The following SH3TC1 variants were observed in gnomAD, a reference collection of about 807,000 sequenced individuals.
The protein encoded by SH3TC1 is SH3 domain and tetratricopeptide repeat-containing protein 1.
SH3TC1 carries 135 observed loss-of-function variants against 117.3 expected under a neutral mutation model. The observed-to-expected ratio is 1.15, with a 90% CI of 1.00 to 1.33. The LOEUF is 1.33. Among genes scored for constraint, SH3TC1 ranks in the 40% most tolerant of loss-of-function variants. The pLI, the probability that SH3TC1 is intolerant of heterozygous loss-of-function variation, is 0.00. For missense variants in SH3TC1, 2,092 were observed against 1,794.3 expected, an observed-to-expected ratio of 1.17 and a Z score of -3.00; for synonymous variants, 898 against 816.9, an observed-to-expected ratio of 1.10 and a Z score of -1.69.
At chr4:8,223,071 T>C (rs1210038034) in intron 10 of SH3TC1, 101 bp downstream of exon 10, 1 of 1,459,370 alleles carries the variant, frequency 6.9e-7, no homozygotes, top group African/African-American at 1.4e-5. Flanking sequence ...AGCCCCTGGA[T>C]GCTGAAAGGT....
intron 8 of SH3TC1, 113 bp downstream of exon 8, chr4:8,218,460 G>A (rs1009298287): frequency 1.4e-5 from 10 of 705,178 alleles, no homozygotes; most frequent in Non-Finnish European, 2.3e-5. Flanking sequence ...TAGCTATCAG[G>A]TAGTGCAAGA....
At chr4:8,214,428 C>T (rs754446040) in intron 4 of SH3TC1, 47 bp from the exon 5 acceptor site, 12 of 1,557,840 alleles carry the variant, frequency 7.7e-6, no homozygotes, top group Admixed American at 3.4e-5. Context: ...TGACAGATGC[C>T]CCAGAGCTCC....
chr4:8,238,368 G>C (rs2152999042), intron 17 of SH3TC1, among the ~76,000 whole-genome samples: 1 of 152,296 alleles, frequency 6.6e-6, no homozygotes, highest in African/African-American at 2.4e-5. Context: ...AGCCCTGCAG[G>C]GGTGGAGAAC....
rs904044658 is a variant in SH3TC1, at chr4:8,225,928, G to A, written c.1285+712G>A. 2.0e-5 allele frequency among the ~76,000 whole-genome samples: 3 copies of A among 152,144 alleles called. No homozygotes were observed. The highest frequency in any genetic ancestry group is 2.9e-5 in the Non-Finnish European group (2 of 68,022). On this transcript the variant is annotated intron_variant, in intron 11 of 17. Transcript: ENST00000245105. This position sits in a 1 kb window ranked among gnomAD's most constrained non-coding sequence, Gnocchi z 5.5. ...CTGCCGAAGTCCCTGGAGCAAATGC[G>A]AGTGACTCCAGCTGCCCCCAAGGCC...
chr4:8,228,134 G>A lies in SH3TC1; in HGVS notation c.2440G>A (p.Glu814Lys), dbSNP rs1561710941. ...PAITFMTQAV[E>K]ASAIAGVRAI... ...CATCACCTTCATGACGCAGGCAGTG[G>A]AAGCCAGTGCTATTGCCGGAGTCCG... is the stretch of plus-strand genomic sequence containing the variant. Residue 814 changes from glutamate (E) to lysine (K), a missense_variant, in exon 12 of 18, where the codon GAA becomes AAA. By Grantham distance (56) the Glu-to-Lys change is moderately conservative (BLOSUM62 1). Transcript: ENST00000245105. 1.2e-6 allele frequency: 2 copies of A among 1,612,364 alleles called. No homozygotes were observed. Among genetic ancestry groups the A allele is most frequent in the Non-Finnish European group, 1.7e-6 (2 of 1,179,562 alleles).
chr4:8,197,293 T>C (rs1273458775), upstream of SH3TC1, among the ~76,000 whole-genome samples: 1 of 152,046 alleles, frequency 6.6e-6, no homozygotes, highest in Non-Finnish European at 1.5e-5. Context: ...GACAGCTTGA[T>C]TTTGGACTTT....
chr4:8,203,724 C>T (rs79374063), intron 1 of SH3TC1, among the ~76,000 whole-genome samples: 113 of 152,238 alleles, frequency 7.4e-4, no homozygotes, highest in Admixed American at 2.3e-3. Flanking sequence ...CGCATGGACT[C>T]GTCCCCCTGC....
intron 12 of SH3TC1, 141 bp downstream of exon 12, chr4:8,228,785 G>A (rs928038015): frequency 9.5e-5 from 70 of 738,580 alleles, no homozygotes; most frequent in Middle Eastern, 8.0e-4. Context: ...GTTGGCAAGC[G>A]CCCTGGAGAC....
chr4:8,220,457 C>T (rs1418012247), intron 9 of SH3TC1, among the ~76,000 whole-genome samples: 1 of 152,166 alleles, frequency 6.6e-6, no homozygotes, highest in Non-Finnish European at 1.5e-5. Flanking sequence ...CCTGCCTGCT[C>T]CCAGCCAGGG....
chr4:8,217,124 G>A lies in SH3TC1; in HGVS notation c.796G>A (p.Val266Met). ...PPSPSVSSEE[V>M]AVAAAPEPLI... is the part of the protein sequence containing the mutation. ...GAGCCCCAGCGTGTCCTCCGAGGAGGTGGCAGTGGCGGCCGCCCCGGAGCC... is the reference window on the plus strand; with the variant it reads ...GAGCCCCAGCGTGTCCTCCGAGGAGATGGCAGTGGCGGCCGCCCCGGAGCC... The change falls in exon 7 of 18, where the codon GTG becomes ATG. Residue 266 changes from valine to methionine, a missense_variant. Physicochemically the swap from Val to Met is conservative, Grantham distance 21. Coordinates refer to ENST00000245105, the MANE Select transcript of SH3TC1 (RefSeq NM_018986.5). 6.2e-7 allele frequency: 1 copy of A among 1,613,660 alleles called. No homozygotes were observed.
At chr4:8,200,394 C>T (rs765801768) in intron 1 of SH3TC1, among the ~76,000 whole-genome samples, 8 of 152,166 alleles carry the variant, frequency 5.3e-5, no homozygotes, top group Non-Finnish European at 1.0e-4. Flanking sequence ...GCAGAGTCAC[C>T]GCAGCTGATG....
At position 8,183,414 on chromosome 4, in the gene SH3TC1, C is replaced by A. The variant is rs1717135568; in HGVS notation, c.-57+1204C>A. Among the ~76,000 whole-genome samples the A allele has an allele frequency of 6.6e-6, 1 of 152,178 alleles. No homozygotes were observed. The highest frequency in any genetic ancestry group is 1.5e-5 in the Non-Finnish European group (1 of 68,022). On this transcript the variant is annotated intron_variant, in intron 1 of 16. Coordinates refer to the SH3TC1 transcript ENST00000508641. This position sits in a 1 kb window ranked among gnomAD's most constrained non-coding sequence, Gnocchi z 5.4. The stretch of plus-strand genomic sequence containing the variant: ...CCCACGCATCTCTGTGATTAACTCA[C>A]TCCCTGTACAGTAGAGGGAGGCGTG...
At position 8,183,126 on chromosome 4, in the gene SH3TC1, G is replaced by A. The variant is rs537963475; in HGVS notation, c.-57+916G>A. Among the ~76,000 whole-genome samples, 1 of 152,146 alleles carries A rather than the reference G, an allele frequency of 6.6e-6. No homozygotes were observed. The highest frequency in any genetic ancestry group is 2.1e-4 in the South Asian group (1 of 4,834). Reference sequence around the variant, plus strand: ...GCCTCAGTTTCTCAGCATGCCATCCGCCTGGCGACCTTGCCTCCCTCTCCC... The same window carrying A: ...GCCTCAGTTTCTCAGCATGCCATCCACCTGGCGACCTTGCCTCCCTCTCCC... On this transcript the variant is annotated intron_variant, in intron 1 of 16. Transcript: ENST00000508641. The surrounding 1 kb of genome is among the most constrained non-coding windows in gnomAD (Gnocchi z 5.4).
At chr4:8,234,856 T>C (rs1721663690) in intron 14 of SH3TC1, among the ~76,000 whole-genome samples, 2 of 152,220 alleles carry the variant, frequency 1.3e-5, no homozygotes, top group Admixed American at 1.3e-4. Context: ...AAGCGACATG[T>C]GGCAAATCTC....
Position 8,216,104 on chromosome 4 carries a change from T to G in SH3TC1, c.482-7T>G. 1 of 1,612,468 alleles carries G rather than the reference T, an allele frequency of 6.2e-7. No homozygotes were observed. The highest frequency in any genetic ancestry group is 8.5e-7 in the Non-Finnish European group (1 of 1,179,794). On this transcript the variant is annotated splice_polypyrimidine_tract_variant and splice_region_variant and intron_variant, in intron 5 of 17. Transcript: ENST00000245105. ...AGCCCTCGGGTGACTGGGCCTGGCC[T>G]CCACAGGCTTCACTCATCACTGCCT... is the stretch of plus-strand genomic sequence containing the variant.
chr4:8,230,416 G>GT (rs966366937), intron 12 of SH3TC1, among the ~76,000 whole-genome samples: 3 of 151,758 alleles, frequency 2.0e-5, no homozygotes, highest in Non-Finnish European at 1.5e-5. Context: ...GATGACAGGC[G>GT]TGAGCCATGG....
chr4:8,212,997 C>A, intron 4 of SH3TC1, 169 bp downstream of exon 4: 2 of 875,586 alleles, frequency 2.3e-6, no homozygotes, highest in Non-Finnish European at 3.4e-6. Flanking sequence ...CAGTGGGTGG[C>A]GAGGGCTTGT....
At chr4:8,195,884 G>A (rs553464855), upstream of SH3TC1, among the ~76,000 whole-genome samples, 1 of 152,202 alleles carries the variant, frequency 6.6e-6, no homozygotes, top group Non-Finnish European at 1.5e-5. Flanking sequence ...GGTCTTGGGC[G>A]CCAACTCCCC....
chr4:8,189,530 T>C (rs972424637), intron 1 of SH3TC1, among the ~76,000 whole-genome samples: 4 of 151,948 alleles, frequency 2.6e-5, no homozygotes, highest in African/African-American at 9.7e-5. Context: ...CAGCACAGGG[T>C]GGCCAGGGCC....
Sources: gnomAD v4.1 joint callset for allele counts (sites outside exome capture counted in the v4.1 genomes callset) on GRCh38, gnomAD v4.1.1 for gene constraint, Gnocchi (gnomAD v3.1) non-coding constraint, MANE v1.5 for transcripts, NCBI Gene and HGNC (gene_info 2026-07-23, HGNC 2026-07-21) for gene names.